The following LRMDA variants were observed in gnomAD, a reference collection of about 807,000 sequenced individuals.
LRMDA encodes the protein leucine-rich melanocyte differentiation-associated protein.
Under a neutral mutation model 29.8 loss-of-function variants are expected in LRMDA, and 18 were observed. The observed-to-expected ratio is 0.60, with a 90% CI of 0.42 to 0.90. LRMDA has a LOEUF of 0.90. Among genes scored for constraint, LRMDA ranks in the 40% least tolerant of loss-of-function variants. The pLI is 0.00. For missense variants in LRMDA, 273 were observed against 273.9 expected (o/e 1.00, Z 0.02); for synonymous variants, 125 against 109.4 (o/e 1.14, Z -0.89).
At chr10:75,516,466 A>AT (rs1315675895) in intron 2 of LRMDA, among the ~76,000 whole-genome samples, 2 of 152,026 alleles carry the variant, frequency 1.3e-5, no homozygotes, top group Non-Finnish European at 1.5e-5. Context: ...GATGATGAGC[A>AT]TTTTTTCATG....
intron 6 of LRMDA, among the ~76,000 whole-genome samples, chr10:76,504,959 G>T (rs181316738): frequency 6.6e-6 from 1 of 152,130 alleles, no homozygotes; most frequent in East Asian, 1.9e-4. Context: ...TCCATGTATA[G>T]CACTCTGTTA....
At chr10:76,388,763 A>T (rs887793922) in intron 6 of LRMDA, among the ~76,000 whole-genome samples, 5 of 152,246 alleles carry the variant, frequency 3.3e-5, no homozygotes, top group Non-Finnish European at 7.3e-5. Context: ...TATGTGCTAG[A>T]CATTATTCAT....
intron 5 of LRMDA, among the ~76,000 whole-genome samples, chr10:76,164,664 A>G (rs1012426080): frequency 5.9e-5 from 9 of 152,228 alleles, no homozygotes; most frequent in Non-Finnish European, 1.2e-4. Flanking sequence ...ATTCAGAGAA[A>G]GGTTCTGTGA....
intron 2 of LRMDA, among the ~76,000 whole-genome samples, chr10:75,969,602 C>T (rs1846929207): frequency 6.6e-6 from 1 of 152,188 alleles, no homozygotes; most frequent in African/African-American, 2.4e-5. Context: ...TGCCATGTTT[C>T]CTTTTTTCTT....
At chr10:76,254,423 A>G (rs923846580) in intron 5 of LRMDA, among the ~76,000 whole-genome samples, 21 of 100,646 alleles carry the variant, frequency 2.1e-4, no homozygotes, top group South Asian at 1.2e-3. Context: ...GCTATACTAT[A>G]CTATACTGAA....
At chr10:76,329,045 G>A (rs549506887) in intron 6 of LRMDA, among the ~76,000 whole-genome samples, 2 of 152,296 alleles carry the variant, frequency 1.3e-5, no homozygotes, top group African/African-American at 4.8e-5. Context: ...TGAAGCACCA[G>A]TGAGGGGATT....
chr10:76,462,077 C>CCACACA (rs5786236), intron 6 of LRMDA, among the ~76,000 whole-genome samples: 1 of 122,590 alleles, frequency 8.2e-6, no homozygotes, highest in Non-Finnish European at 1.7e-5. Flanking sequence ...AAAAAAAAAA[C>CCACACA]CACACACACA....
intron 2 of LRMDA, among the ~76,000 whole-genome samples, chr10:75,792,761 T>C (rs1352066779): frequency 6.6e-6 from 1 of 152,228 alleles, no homozygotes; most frequent in Non-Finnish European, 1.5e-5. Context: ...TCTGTGTCCT[T>C]ATCCACAAAA....
intron 2 of LRMDA, among the ~76,000 whole-genome samples, chr10:75,504,508 G>C (rs758567245): frequency 6.6e-6 from 1 of 152,090 alleles, no homozygotes; most frequent in Non-Finnish European, 1.5e-5. Context: ...CAAAGGTTTG[G>C]CCAGTAACAA....
intron 2 of LRMDA, among the ~76,000 whole-genome samples, chr10:75,764,058 A>C (rs1589192338): frequency 6.6e-6 from 1 of 152,028 alleles, no homozygotes; most frequent in Non-Finnish European, 1.5e-5. Context: ...TCGCATGGAG[A>C]CCCGGCTGAG....
At chr10:76,045,741 G>A (rs1415211274) in intron 3 of LRMDA, among the ~76,000 whole-genome samples, 1 of 152,158 alleles carries the variant, frequency 6.6e-6, no homozygotes, top group Non-Finnish European at 1.5e-5. Context: ...GGGTCACTGA[G>A]TAGAGGTTAG....
intron 2 of LRMDA, among the ~76,000 whole-genome samples, chr10:76,019,981 G>A (rs557277744): frequency 1.7e-4 from 26 of 152,218 alleles, no homozygotes; most frequent in Non-Finnish European, 2.9e-4. Context: ...ACAGTCTGAT[G>A]TGGTCACTCC....
At chr10:75,628,382 A>G (rs1361617299) in intron 2 of LRMDA, among the ~76,000 whole-genome samples, 1 of 152,208 alleles carries the variant, frequency 6.6e-6, no homozygotes, top group Non-Finnish European at 1.5e-5. Context: ...GAAGGTGTAG[A>G]AAAGATAATA....
chr10:75,655,136 A>G (rs753064789), intron 2 of LRMDA, among the ~76,000 whole-genome samples: 2 of 152,260 alleles, frequency 1.3e-5, no homozygotes, highest in Non-Finnish European at 2.9e-5. Context: ...TCGACATTTT[A>G]ACGGGTACAT....
At chr10:75,947,125 C>T (rs1346126197) in intron 2 of LRMDA, among the ~76,000 whole-genome samples, 21 of 152,180 alleles carry the variant, frequency 1.4e-4, no homozygotes, top group Admixed American at 4.6e-4. Context: ...AAAATCCTCT[C>T]GGCCTAAGGG....
At chr10:75,774,098 C>T (rs1227127699) in intron 2 of LRMDA, among the ~76,000 whole-genome samples, 2 of 152,184 alleles carry the variant, frequency 1.3e-5, no homozygotes, top group Non-Finnish European at 2.9e-5. Flanking sequence ...TTTATGTCTT[C>T]CAGATCCTCT....
chr10:76,036,723 G>T (rs1045587575), intron 3 of LRMDA, among the ~76,000 whole-genome samples: 1 of 152,150 alleles, frequency 6.6e-6, no homozygotes, highest in Non-Finnish European at 1.5e-5. Context: ...ACAGTGTATG[G>T]CCTCCTCTAT....
At chr10:75,704,718 A>T (rs1303527960) in intron 2 of LRMDA, among the ~76,000 whole-genome samples, 1 of 152,230 alleles carries the variant, frequency 6.6e-6, no homozygotes, top group Non-Finnish European at 1.5e-5. Context: ...AGCTGGAGCC[A>T]GCCTGGTGCA....
intron 2 of LRMDA, among the ~76,000 whole-genome samples, chr10:75,753,234 C>A (rs759521086): frequency 2.0e-5 from 3 of 152,182 alleles, no homozygotes; most frequent in Non-Finnish European, 4.4e-5. Flanking sequence ...CAGGCACTCA[C>A]TGGACTAGTT....
Sources: allele counts gnomAD v4.1 joint callset (sites outside exome capture counted in the v4.1 genomes callset), GRCh38; gene constraint gnomAD v4.1.1; transcripts MANE v1.5; gene names NCBI Gene and HGNC (gene_info 2026-07-23, HGNC 2026-07-21).